Variants in ECPAS observed in about 807,000 individuals in gnomAD.
ECPAS encodes the protein proteasome adapter and scaffold protein ECM29.
Under a neutral mutation model 255.1 loss-of-function variants are expected in ECPAS, and 70 were observed. The observed-to-expected ratio is 0.27, with a 90% CI of 0.23 to 0.33. ECPAS has a LOEUF of 0.33. ECPAS is among the 10% of genes least tolerant of loss of function. The pLI, the probability that ECPAS is intolerant of heterozygous loss-of-function variation, is 1.00. For missense variants in ECPAS, 1,817 were observed against 2,206.4 expected, an observed-to-expected ratio of 0.82 and a Z score of 3.54; for synonymous variants, 784 against 775.0, an observed-to-expected ratio of 1.01 and a Z score of -0.19.
At chr9:111,432,615 A>G (rs1022579618) in intron 8 of ECPAS, among the ~76,000 whole-genome samples, 7 of 152,254 alleles carry the variant, frequency 4.6e-5, no homozygotes, top group African/African-American at 1.4e-4. Flanking sequence ...CCCTGTCTCA[A>G]AAAATAAATA....
chr9:111,453,164 T>A (rs949703382), intron 2 of ECPAS, among the ~76,000 whole-genome samples: 15 of 152,046 alleles, frequency 9.9e-5, no homozygotes, highest in African/African-American at 2.9e-4. Flanking sequence ...GGAGAACTGC[T>A]TGGGCCTGGG....
rs769020442 is a variant in ECPAS at position 111,397,108 on chromosome 9, T to C, written c.2698A>G (p.Ser900Gly). Residue 900 changes from serine (S) to glycine (G), a missense_variant, in exon 25 of 50, where the codon AGT becomes GGT. Transcript: ENST00000684092. The part of the protein sequence containing the change: ...LQFTIGEAIT[S>G]AAIGTSSVAA... ...ACAGAACTAGTTCCTATTGCAGCAC[T>C]GGTAATGGCTTCGCCAATAGTGAAC... 5 of 1,613,950 alleles carry C rather than the reference T, an allele frequency of 3.1e-6. No individual in the cohort carries two copies. In the Admixed American group the frequency reaches 8.3e-5, roughly 27 times the overall value.
intron 1 of ECPAS, among the ~76,000 whole-genome samples, chr9:111,475,575 A>C (rs2098295151): frequency 6.6e-6 from 1 of 152,128 alleles, no homozygotes; most frequent in Non-Finnish European, 1.5e-5. Context: ...TCTGTACTAA[A>C]AATACAAAAA....
chr9:111,402,519 G>C (rs1404855735), intron 24 of ECPAS, among the ~76,000 whole-genome samples: 1 of 152,108 alleles, frequency 6.6e-6, no homozygotes, highest in Non-Finnish European at 1.5e-5. Flanking sequence ...GAGTATCTTT[G>C]TATTAGAGTA....
intron 25 of ECPAS, among the ~76,000 whole-genome samples, chr9:111,394,744 G>A (rs1028483095): frequency 6.6e-6 from 1 of 152,048 alleles, no homozygotes; most frequent in African/African-American, 2.4e-5. Flanking sequence ...ACAAAGCTGT[G>A]CTATACACTG....
chr9:111,411,917 T>C, intron 21 of ECPAS, 97 bp downstream of exon 21: 1 of 1,119,606 alleles, frequency 8.9e-7, no homozygotes, highest in South Asian at 1.9e-5. Flanking sequence ...AATTTGTAAG[T>C]TCATTTTACA....
chr9:111,430,404 T>G (rs766182963), intron 9 of ECPAS, 143 bp downstream of exon 9: 9 of 641,490 alleles, frequency 1.4e-5, no homozygotes, highest in Non-Finnish European at 2.2e-5. Context: ...TTTTAATTCA[T>G]CTAAACTAGC....
chr9:111,427,546 T>C (rs55891533), intron 10 of ECPAS, among the ~76,000 whole-genome samples: 8,591 of 152,282 alleles, frequency 0.056, 570 homozygotes, highest in African/African-American at 0.15. Flanking sequence ...TCAGAAGTGT[T>C]TTGAGATTTC....
At chr9:111,397,973 G>GTGAATCAC (rs2098170102) in intron 24 of ECPAS, among the ~76,000 whole-genome samples, 1 of 152,186 alleles carries the variant, frequency 6.6e-6, no homozygotes. Context: ...TGATTCACTA[G>GTGAATCAC]TAGGAGTCAC....
At chr9:111,385,290 C>T in intron 33 of ECPAS, 47 bp downstream of exon 33, 2 of 922,210 alleles carry the variant, frequency 2.2e-6, no homozygotes, top group Non-Finnish European at 3.3e-6. Context: ...TTAATAATTC[C>T]AATTTAACTT....
intron 7 of ECPAS, among the ~76,000 whole-genome samples, chr9:111,436,680 C>T (rs2098238628): frequency 6.6e-6 from 1 of 152,058 alleles, no homozygotes; most frequent in Non-Finnish European, 1.5e-5. Context: ...TAAACATATT[C>T]AATTTATAAG....
intron 8 of ECPAS, among the ~76,000 whole-genome samples, chr9:111,432,356 G>A (rs1276000135): frequency 2.0e-5 from 3 of 152,238 alleles, no homozygotes; most frequent in Non-Finnish European, 4.4e-5. Context: ...GCTCACGCCT[G>A]TAATCCCAGC....
intron 1 of ECPAS, among the ~76,000 whole-genome samples, chr9:111,476,244 A>G (rs1385916332): frequency 1.3e-5 from 2 of 152,188 alleles, no homozygotes; most frequent in Non-Finnish European, 2.9e-5. Context: ...CGAAACCACT[A>G]AACAGCTGAC....
chr9:111,377,918 G>A (rs963414388), intron 36 of ECPAS, among the ~76,000 whole-genome samples: 7 of 152,152 alleles, frequency 4.6e-5, no homozygotes, highest in East Asian at 1.9e-4. Flanking sequence ...AGGCTGAGGC[G>A]GGTGGATCAC....
chr9:111,390,155 T>C (rs1316602917), intron 29 of ECPAS, 54 bp from the exon 30 acceptor site: 2 of 1,080,656 alleles, frequency 1.9e-6, no homozygotes, highest in Non-Finnish European at 2.7e-6. Context: ...CTCTCCAGCC[T>C]AAAAAATTAC....
Position 111,433,385 on chromosome 9 carries a change from G to T in ECPAS, c.709-13C>A. The T allele has an allele frequency of 6.2e-7, 1 of 1,613,748 alleles. No individual in the cohort carries two copies. Among genetic ancestry groups the T allele is most frequent in the African/African-American group, 1.3e-5 (1 of 75,020 alleles). On this transcript the variant is annotated splice_polypyrimidine_tract_variant and intron_variant, in intron 7 of 49. Coordinates refer to ENST00000684092, the MANE Select transcript of ECPAS (RefSeq NM_001364929.1). The stretch of plus-strand genomic sequence containing the variant: ...TTCCCAATTTGCACTGTAGATAAAT[G>T]AAGGGAAGGAGAAAGAACAGTCAGG...
In ECPAS at chr9:111,414,413, C is replaced by T. The variant is rs376669455; in HGVS notation, c.1987+16G>A. ...TAAGTGCTTCAGTATCTTTCCTTCG[C>T]GTCACATATTCCTACCTCCAACACC... On this transcript the variant is annotated intron_variant, in intron 19 of 49. Transcript: ENST00000684092. 13 of 1,602,968 alleles carry T rather than the reference C, an allele frequency of 8.1e-6. No homozygotes were observed. The highest frequency in any genetic ancestry group is 2.7e-5 in the African/African-American group (2 of 74,720).
intron 21 of ECPAS, 63 bp from the exon 22 acceptor site, chr9:111,411,205 C>T (rs2098193804): frequency 2.0e-6 from 3 of 1,506,532 alleles, no homozygotes; most frequent in East Asian, 4.5e-5. Context: ...GAATACATGG[C>T]AGTAACTGTG....
intron 37 of ECPAS, 148 bp downstream of exon 37, chr9:111,376,328 A>G: frequency 1.6e-6 from 1 of 607,326 alleles, no homozygotes; most frequent in Non-Finnish European, 2.9e-6. Flanking sequence ...AGAAGAAAAG[A>G]GAAATATACT....
Sources: gnomAD v4.1 joint callset for allele counts (sites outside exome capture counted in the v4.1 genomes callset) on GRCh38, gnomAD v4.1.1 for gene constraint, MANE v1.5 for transcripts, NCBI Gene and HGNC (gene_info 2026-07-23, HGNC 2026-07-21) for gene names.